The following UNC93A variants were observed in gnomAD, a reference collection of about 807,000 sequenced individuals.
UNC93A encodes N-acetylglucosamine transporter UNC93A.
In UNC93A, 43 loss-of-function variants were observed where a neutral mutation model predicts 47.5. The ratio of observed to expected loss-of-function variants is 0.91; its 90% confidence interval spans 0.71 to 1.17. The LOEUF (loss-of-function observed/expected upper bound fraction) is 1.17. UNC93A is among the 50% of genes most tolerant of loss of function. The pLI, the probability that UNC93A is intolerant of heterozygous loss-of-function variation, is 0.00. For synonymous variants in UNC93A, 280 were observed against 258.0 expected, an observed-to-expected ratio of 1.09 and a Z score of -0.82; for missense variants, 605 against 577.6, an observed-to-expected ratio of 1.05 and a Z score of -0.49.
chr6:167,315,165 C>T (rs757230339), intron 7 of UNC93A, 22 bp from the exon 8 acceptor site: 6 of 1,612,480 alleles, frequency 3.7e-6, no homozygotes, highest in Non-Finnish European at 5.1e-6. Flanking sequence ...GCAGAGCTCT[C>T]ACTCCGCTCT....
At chr6:167,275,472 T>TA (rs1249309951) in intron 1 of UNC93A, among the ~76,000 whole-genome samples, 1 of 152,238 alleles carries the variant, frequency 6.6e-6, no homozygotes, top group African/African-American at 2.4e-5. Flanking sequence ...GCTTTCATGA[T>TA]ACCTGGTGGT....
At chr6:167,288,254 G>A (rs1783775326), upstream of UNC93A, among the ~76,000 whole-genome samples, 2 of 152,170 alleles carry the variant, frequency 1.3e-5, no homozygotes, top group South Asian at 4.1e-4. Context: ...CTTTTTCTCT[G>A]ATTGGCTCTC....
At chr6:167,298,292 T>C (rs1778147577) in intron 4 of UNC93A, 3 of 554,670 alleles carry the variant, frequency 5.4e-6, no homozygotes, top group East Asian at 7.4e-5. Flanking sequence ...GATGAGATTG[T>C]TATACATCTC....
chr6:167,279,696 T>C (rs2115081504), intron 1 of UNC93A, among the ~76,000 whole-genome samples: 1 of 152,314 alleles, frequency 6.6e-6, no homozygotes, highest in Admixed American at 6.5e-5. Context: ...GTAATACTCA[T>C]GGAATTTTCC....
intron 1 of UNC93A, among the ~76,000 whole-genome samples, chr6:167,281,036 A>G (rs1783622931): frequency 6.6e-6 from 1 of 152,162 alleles, no homozygotes; most frequent in African/African-American, 2.4e-5. Flanking sequence ...AGTTGAAATT[A>G]TCATGATTGC....
At chr6:167,277,356 C>G (rs188790687) in intron 1 of UNC93A, among the ~76,000 whole-genome samples, 20 of 152,282 alleles carry the variant, frequency 1.3e-4, no homozygotes, top group African/African-American at 4.8e-4. Flanking sequence ...TTCCAGCTGG[C>G]CTCTGACCAT....
intron 1 of UNC93A, among the ~76,000 whole-genome samples, chr6:167,293,340 G>C (rs1426665790): frequency 1.3e-5 from 2 of 152,102 alleles, no homozygotes; most frequent in Non-Finnish European, 2.9e-5. Context: ...CTCCCTCTCT[G>C]CAGGGCCCCA....
chr6:167,278,738 C>A (rs1377620309), intron 1 of UNC93A, among the ~76,000 whole-genome samples: 1 of 152,140 alleles, frequency 6.6e-6, no homozygotes, highest in Non-Finnish European at 1.5e-5. Context: ...TCCGCCCTGG[C>A]TGCACTGCAG....
chr6:167,277,613 G>C (rs1783564656), intron 1 of UNC93A, among the ~76,000 whole-genome samples: 1 of 151,790 alleles, frequency 6.6e-6, no homozygotes, highest in South Asian at 2.1e-4. Context: ...GGCTATCTCT[G>C]TCTCTCTCTC....
chr6:167,287,180 G>C (rs554295584), upstream of UNC93A, among the ~76,000 whole-genome samples: 1 of 151,914 alleles, frequency 6.6e-6, no homozygotes, highest in Admixed American at 6.6e-5. Flanking sequence ...ATCACAGCCC[G>C]GCTTCCTCCA....
chr6:167,288,097 G>C (rs1783772600), upstream of UNC93A, among the ~76,000 whole-genome samples: 1 of 152,162 alleles, frequency 6.6e-6, no homozygotes, highest in East Asian at 1.9e-4. Context: ...CCACACCGTG[G>C]AAGCTGGGAG....
intron 1 of UNC93A, among the ~76,000 whole-genome samples, chr6:167,276,064 C>CTT (rs59625593): frequency 7.2e-6 from 1 of 139,544 alleles, no homozygotes. Flanking sequence ...CTTTTCTTTT[C>CTT]TTTTTTTTTT....
At chr6:167,295,465 C>CTCCTCGCCTGCCTCGTGT (rs1778041624) in intron 2 of UNC93A, among the ~76,000 whole-genome samples, 1 of 93,934 alleles carries the variant, frequency 1.1e-5, no homozygotes, top group African/African-American at 6.0e-5. Flanking sequence ...CTCCCTCGTG[C>CTCCTCGCCTGCCTCGTGT]TCCTCGCCTC....
At chr6:167,305,852 C>A (rs1411016783) in intron 5 of UNC93A, 63 bp from the exon 6 acceptor site, 35 of 1,609,942 alleles carry the variant, frequency 2.2e-5, no homozygotes, top group South Asian at 1.5e-4. Context: ...CCGACTGCAG[C>A]TTTAGCTTGA....
chr6:167,308,020 T>C (rs965483237), intron 7 of UNC93A, 110 bp downstream of exon 7: 4 of 1,464,360 alleles, frequency 2.7e-6, no homozygotes, highest in Middle Eastern at 2.1e-4. Context: ...GAGAGATGAG[T>C]TGGGAGAGAC....
intron 1 of UNC93A, among the ~76,000 whole-genome samples, chr6:167,286,188 A>G (rs7767383): frequency 0.019 from 2,915 of 152,034 alleles, 105 homozygotes; most frequent in African/African-American, 0.067. Flanking sequence ...TGTCTTTATA[A>G]GATGTTCTCC....
chr6:167,286,310 T>C (rs2115096362), intron 1 of UNC93A, among the ~76,000 whole-genome samples: 1 of 152,324 alleles, frequency 6.6e-6, no homozygotes, highest in Non-Finnish European at 1.5e-5. Flanking sequence ...AGACCCACAC[T>C]GCACATACAG....
At chr6:167,273,299 C>T (rs1783481563) in intron 1 of UNC93A, among the ~76,000 whole-genome samples, 1 of 152,180 alleles carries the variant, frequency 6.6e-6, no homozygotes, top group African/African-American at 2.4e-5. Context: ...GCCCCCAACT[C>T]CTAACTCCAG....
intron 5 of UNC93A, among the ~76,000 whole-genome samples, chr6:167,304,556 G>GTTTTT (rs67933171): frequency 6.7e-6 from 1 of 150,068 alleles, no homozygotes; most frequent in Non-Finnish European, 1.5e-5. Flanking sequence ...TATCTCTCTA[G>GTTTTT]TTTTTTTTTT....
Sources: allele counts gnomAD v4.1 joint callset (sites outside exome capture counted in the v4.1 genomes callset), GRCh38; gene constraint gnomAD v4.1.1; transcripts MANE v1.5; gene names NCBI Gene and HGNC (gene_info 2026-07-23, HGNC 2026-07-21).